The following RBP7 variants were observed in gnomAD, a reference collection of about 807,000 sequenced individuals.
The protein encoded by RBP7 is retinoid-binding protein 7.
Under a neutral mutation model 16.7 loss-of-function variants are expected in RBP7, and 13 were observed. The observed-to-expected ratio is 0.78, with a 90% CI of 0.51 to 1.24. RBP7 has a LOEUF of 1.24. Among genes scored for constraint, RBP7 ranks in the 50% most tolerant of loss-of-function variants. The pLI, the probability that RBP7 is intolerant of heterozygous loss-of-function variation, is 0.00. For missense variants in RBP7, 145 were observed against 159.5 expected, an observed-to-expected ratio of 0.91 and a Z score of 0.49; for synonymous variants, 54 against 56.2, an observed-to-expected ratio of 0.96 and a Z score of 0.17.
Position 10,000,734 on chromosome 1 carries a change from CT to C in RBP7, c.73+3410del, listed in dbSNP as rs563963833. On this transcript the variant is annotated intron_variant, in intron 1 of 3. Coordinates refer to ENST00000294435, the MANE Select transcript of RBP7 (RefSeq NM_052960.3). Reference sequence around the variant, plus strand: ...CTAGGAAAATAATAAATGATCGCCTCTTTTTTTGTTGTTGTTGTTGAGATGG... The same window carrying C: ...CTAGGAAAATAATAAATGATCGCCTCTTTTTTGTTGTTGTTGTTGAGATGG... 7.4e-4 allele frequency among the ~76,000 whole-genome samples: 113 copies of C among 151,974 alleles called. 1 individual carries two copies. Among genetic ancestry groups the C allele is most frequent in the African/African-American group, 2.4e-3 (101 of 41,508 alleles).
rs748853448 is a variant in RBP7 at position 10,015,846 on chromosome 1, G to C, written c.*14G>C. 4 of 1,613,126 alleles carry C rather than the reference G, an allele frequency of 2.5e-6. No homozygotes were observed. The highest frequency in any genetic ancestry group is 3.3e-4 in the Middle Eastern group (2 of 6,062). On this transcript the variant is annotated 3_prime_UTR_variant, in exon 4 of 4. Transcript: ENST00000294435. ...CAGAGAGCCTGATCCACATCCAGCA[G>C]CAGAGCCCACTTGTGGCTGCAGCTT... is the stretch of plus-strand genomic sequence containing the variant.
chr1:10,000,290 G>C (rs1642241016), intron 1 of RBP7, among the ~76,000 whole-genome samples: 1 of 151,716 alleles, frequency 6.6e-6, no homozygotes, highest in African/African-American at 2.4e-5. Flanking sequence ...CCAGCACTTT[G>C]GGAGGCCGAG....
At chr1:9,998,355 C>T (rs929649588) in intron 1 of RBP7, among the ~76,000 whole-genome samples, 1 of 151,864 alleles carries the variant, frequency 6.6e-6, no homozygotes, top group Non-Finnish European at 1.5e-5. Context: ...AATCCCTGAA[C>T]CCTTGACCCG....
In RBP7 at chr1:9,998,466, A is replaced by G. The variant is rs1389829379; in HGVS notation, c.73+1135A>G. 3.0e-5 allele frequency among the ~76,000 whole-genome samples: 4 copies of G among 132,308 alleles called. No individual in the cohort carries two copies. In the East Asian group the frequency reaches 6.9e-4, roughly 23 times the overall value. 86.8% of individuals were successfully genotyped at this position (132,308 alleles called of 152,430 possible). On this transcript the variant is annotated intron_variant, in intron 1 of 3. Transcript: ENST00000294435. ...TCTGTTGCCCAGGCTGGAGTGCAGT[A>G]GTACGATCTCGGCTCACTGCAAGCT...
intron 3 of RBP7, among the ~76,000 whole-genome samples, chr1:10,012,844 G>A (rs889949698): frequency 1.0e-4 from 15 of 143,988 alleles, no homozygotes; most frequent in African/African-American, 2.9e-4. Context: ...TGAGGCAGGA[G>A]AATCACTTGA....
At chr1:10,011,439 G>A (rs1430105029) in intron 3 of RBP7, among the ~76,000 whole-genome samples, 1 of 152,192 alleles carries the variant, frequency 6.6e-6, no homozygotes, top group African/African-American at 2.4e-5. Flanking sequence ...AGCTGTCTAG[G>A]TTACAGCGGC....
intron 3 of RBP7, among the ~76,000 whole-genome samples, chr1:10,012,483 A>G (rs1642652133): frequency 6.6e-6 from 1 of 152,164 alleles, no homozygotes; most frequent in African/African-American, 2.4e-5. Flanking sequence ...TTGGTTTGTA[A>G]GAGGTAATGT....
Position 10,007,683 on chromosome 1 carries a change from G to A in RBP7, c.187G>A (p.Val63Met). The change falls in exon 2 of 4, where the codon GTG becomes ATG. Residue 63 changes from valine to methionine, a missense_variant. Coordinates refer to ENST00000294435, the MANE Select transcript of RBP7 (RefSeq NM_052960.3). ...GAACAGCAGCCTAAGGAACTACTTT[G>A]TGAAATTTAAAGTTGGAGAAGAATT... Reference protein sequence around the residue: ...HTNSSLRNYFVKFKVGEEFDE... With the variant: ...HTNSSLRNYFMKFKVGEEFDE... 6.2e-7 allele frequency: 1 copy of A among 1,613,962 alleles called. No individual in the cohort carries two copies. The highest frequency in any genetic ancestry group is 8.5e-7 in the Non-Finnish European group (1 of 1,179,964).
chr1:10,004,167 G>T (rs1327518916), intron 1 of RBP7: 1 of 148,976 alleles, frequency 6.7e-6, no homozygotes, highest in South Asian at 2.1e-4. Flanking sequence ...CCGTCTCCCC[G>T]GTTCAAACAA....
intron 1 of RBP7, among the ~76,000 whole-genome samples, chr1:10,004,856 G>T (rs777245076): frequency 6.6e-6 from 1 of 152,078 alleles, no homozygotes; most frequent in African/African-American, 2.4e-5. Flanking sequence ...AGCCAGGTGT[G>T]GTGGCACATG....
At chr1:9,998,092 G>C (rs970625772) in intron 1 of RBP7, among the ~76,000 whole-genome samples, 1 of 152,180 alleles carries the variant, frequency 6.6e-6, no homozygotes, top group Admixed American at 6.5e-5. Context: ...CGGTTCAAGC[G>C]ATTCTCCTGC....
Position 10,007,673 on chromosome 1 carries a change from G to A in RBP7, c.177G>A (p.Arg59=). 2 of 1,613,962 alleles carry A rather than the reference G, an allele frequency of 1.2e-6. No individual in the cohort carries two copies. The highest frequency in any genetic ancestry group is 1.7e-6 in the Non-Finnish European group (2 of 1,179,956). ...SFTIHTNSSL[R]NYFVKFKVGE... ...CCATCCACACGAACAGCAGCCTAAG[G>A]AACTACTTTGTGAAATTTAAAGTTG... The change falls in exon 2 of 4, where the codon AGG becomes AGA. Residue 59 remains arginine, a synonymous_variant. Coordinates refer to ENST00000294435, the MANE Select transcript of RBP7 (RefSeq NM_052960.3).
intron 3 of RBP7, among the ~76,000 whole-genome samples, chr1:10,012,381 CA>C (rs111815044): frequency 0.37 from 51,150 of 138,256 alleles, 14,247 homozygotes; most frequent in African/African-American, 0.78. Context: ...ACTCTGTCTC[CA>C]AAAAAAAAAA....
intron 1 of RBP7, among the ~76,000 whole-genome samples, chr1:10,003,380 G>C (rs1321557293): frequency 2.0e-5 from 3 of 152,120 alleles, no homozygotes; most frequent in Non-Finnish European, 2.9e-5. Context: ...AGCCAAGATC[G>C]TGCTGCCATT....
chr1:10,005,333 C>T (rs188354531), intron 1 of RBP7, among the ~76,000 whole-genome samples: 6 of 150,660 alleles, frequency 4.0e-5, no homozygotes, highest in East Asian at 2.0e-4. Context: ...TGCCTCAGCC[C>T]GACCCAGGTG....
In RBP7 at chr1:9,997,533, C is replaced by T. The variant is rs1409610291; in HGVS notation, c.73+202C>T. Among the ~76,000 whole-genome samples the T allele has an allele frequency of 3.9e-5, 6 of 152,080 alleles. No individual in the cohort carries two copies. Among genetic ancestry groups the T allele is most frequent in the African/African-American group, 1.4e-4 (6 of 41,522 alleles). On this transcript the variant is annotated intron_variant, in intron 1 of 3. Transcript: ENST00000294435. The surrounding 1 kb of genome is among the most constrained non-coding windows in gnomAD (Gnocchi z 5.9). ...GCGGGACCCCAGTCCTTCAGTCCCC[C>T]AGTCCGTCCTTTCCCGCGCCCACCC...
At chr1:10,010,835 C>T (rs1344957979) in intron 3 of RBP7, among the ~76,000 whole-genome samples, 4 of 152,042 alleles carry the variant, frequency 2.6e-5, no homozygotes, top group South Asian at 2.1e-4. Context: ...CCGCCCACCT[C>T]GGCCTCCCAA....
chr1:10,002,208 T>C (rs1642297884), intron 1 of RBP7, among the ~76,000 whole-genome samples: 1 of 152,142 alleles, frequency 6.6e-6, no homozygotes, highest in South Asian at 2.1e-4. Flanking sequence ...AGATTGAAGG[T>C]TAATATAAAC....
rs1642245031 is a variant in RBP7 at position 10,000,443 on chromosome 1, A to G, written c.73+3112A>G. ...CAGCTAATTGGGAGGCTGAGGCACG[A>G]GAATCGCTTGAACCTGAGAGGTGGA... On this transcript the variant is annotated intron_variant, in intron 1 of 3. Transcript: ENST00000294435. Among the ~76,000 whole-genome samples, 5 of 151,922 alleles carry G rather than the reference A, an allele frequency of 3.3e-5. No individual in the cohort carries two copies. The South Asian group carries it at 8.3e-4, about 25-fold the overall frequency.
Sources: allele counts gnomAD v4.1 joint callset (sites outside exome capture counted in the v4.1 genomes callset), GRCh38; gene constraint gnomAD v4.1.1; non-coding constraint Gnocchi (gnomAD v3.1); transcripts MANE v1.5; gene names NCBI Gene and HGNC (gene_info 2026-07-23, HGNC 2026-07-21).